Variants in ZSCAN29 observed in about 807,000 individuals in gnomAD.
The protein encoded by ZSCAN29 is zinc finger and SCAN domain containing 29.
Under a neutral mutation model 71.9 loss-of-function variants are expected in ZSCAN29, and 55 were observed. That is an observed-to-expected ratio of 0.76 (90% CI 0.62 to 0.96). ZSCAN29 has a LOEUF of 0.96. Ranked by LOEUF, ZSCAN29 falls within the 40% of genes least tolerant of loss-of-function variation. ZSCAN29 has a pLI of 0.00. For synonymous variants in ZSCAN29, 351 were observed against 371.6 expected, an observed-to-expected ratio of 0.94 and a Z score of 0.64; for missense variants, 1,042 against 1,042.2, an observed-to-expected ratio of 1.00 and a Z score of 0.00.
chr15:43,369,920 C>G lies in ZSCAN29; in HGVS notation c.-7G>C, dbSNP rs771374755. On this transcript the variant is annotated 5_prime_UTR_variant, in exon 2 of 6. Transcript: ENST00000684362. ...GAGCTGATTTGGCCATCATTAATAGCAGAATGCAGCTTCCCTTCGCTTAGG... is the reference window on the plus strand; with the variant it reads ...GAGCTGATTTGGCCATCATTAATAGGAGAATGCAGCTTCCCTTCGCTTAGG... 7 of 1,585,370 alleles carry G rather than the reference C, an allele frequency of 4.4e-6. No homozygotes were observed. In the Admixed American group the frequency reaches 8.5e-5, roughly 19 times the overall value.
Position 43,361,544 on chromosome 15 carries a change from G to T in ZSCAN29, c.2088C>A (p.His696Gln). The T allele has an allele frequency of 6.2e-7, 1 of 1,614,174 alleles. No homozygotes were observed. The highest frequency in any genetic ancestry group is 8.5e-7 in the Non-Finnish European group (1 of 1,180,020). ...SFSRSARLIR[H>Q]RRIHTGEKPY... is the part of the protein sequence containing the mutation. ...GTTTCTCTCCAGTGTGGATTCTCCG[G>T]TGTCTAATGAGTCGTGCACTCCGAC... The change falls in exon 6 of 6, where the codon CAC becomes CAA. Residue 696 changes from histidine (H) to glutamine (Q), a missense_variant. By Grantham distance (24) the His-to-Gln change is conservative (BLOSUM62 0). Transcript: ENST00000684362.
rs1017050528 is a variant in ZSCAN29, at chr15:43,370,928, G to A, written c.-483C>T. The A allele has an allele frequency of 1.8e-5, 4 of 216,334 alleles. 1 individual carries two copies. The highest frequency in any genetic ancestry group is 1.9e-5 in the Non-Finnish European group (2 of 105,660). The allele number at this position is 216,334 out of a possible 1,614,324, so 13.4% of individuals were successfully genotyped here. ...TCTCGAGCTGCCCCTCAACCCCCTC[G>A]CATCCTTGCCTCCGGGCCAGCCTCA... On this transcript the variant is annotated 5_prime_UTR_variant, in exon 1 of 6. It introduces an in-frame stop codon into an upstream open reading frame of the 5' UTR. Coordinates refer to ENST00000684362, the MANE Select transcript of ZSCAN29 (RefSeq NM_001372080.1).
In ZSCAN29 at chr15:43,368,006, G is replaced by T. The variant is rs1185566484; in HGVS notation, c.523+917C>A. On this transcript the variant is annotated intron_variant, in intron 3 of 5. Coordinates refer to ENST00000684362, the MANE Select transcript of ZSCAN29 (RefSeq NM_001372080.1). ...CAAGAATAATCAACTAGGTATAAAG[G>T]CATTGGGGAAAGCTATCAGAGTCCT... Among the ~76,000 whole-genome samples, 4 of 152,072 alleles carry T rather than the reference G, an allele frequency of 2.6e-5. No homozygotes were observed. The South Asian group carries it at 6.2e-4, about 24-fold the overall frequency.
At chr15:43,362,869 A>C (rs2043995766) in intron 5 of ZSCAN29, among the ~76,000 whole-genome samples, 1 of 152,260 alleles carries the variant, frequency 6.6e-6, no homozygotes. Context: ...CTGATCTTAA[A>C]GACTTATGAA....
In ZSCAN29 at chr15:43,369,631, C is replaced by A. The variant is rs774037467; in HGVS notation, c.283G>T (p.Asp95Tyr). The A allele has an allele frequency of 4.3e-6, 7 of 1,613,830 alleles. No homozygotes were observed. The highest frequency in any genetic ancestry group is 5.9e-6 in the Non-Finnish European group (7 of 1,179,890). ...NGEEAVTLVE[D>Y]LEREPGRPRS... ...GGTCTTCCAGGCTCTCTTTCTAAAT[C>A]TTCCACGAGAGTCACTGCCTCCTCT... The change falls in exon 2 of 6, where the codon GAT becomes TAT. Residue 95 changes from aspartate (D) to tyrosine (Y), a missense_variant. Transcript: ENST00000684362.
In ZSCAN29 at chr15:43,368,958, T is replaced by G; in HGVS notation, c.488A>C (p.Asn163Thr). ...SPDLGPQEQM[N>T]PKEKLKPFQR... is the part of the protein sequence containing the mutation. ...AAAAGGTTTGAGCTTCTCCTTTGGGTTCATCTGCTCCTGTGGTCCCAGGTC... is the reference window on the plus strand; with the variant it reads ...AAAAGGTTTGAGCTTCTCCTTTGGGGTCATCTGCTCCTGTGGTCCCAGGTC... Residue 163 changes from asparagine to threonine, a missense_variant, in exon 3 of 6, where the codon AAC becomes ACC. Coordinates refer to ENST00000684362, the MANE Select transcript of ZSCAN29 (RefSeq NM_001372080.1). 6.2e-7 allele frequency: 1 copy of G among 1,611,400 alleles called. No homozygotes were observed. Among genetic ancestry groups the G allele is most frequent in the South Asian group, 1.1e-5 (1 of 90,490 alleles).
rs1268238597 is a variant in ZSCAN29 at position 43,366,498 on chromosome 15, C to T, written c.834G>A (p.Val278=). ...TGAGCCGCTCAGCCACAGCCCCATACACTTGGCTGTTCCTATGGCAGTTTC... is the reference window on the plus strand; with the variant it reads ...TGAGCCGCTCAGCCACAGCCCCATATACTTGGCTGTTCCTATGGCAGTTTC... ...ALRNCHRNSQ[V]YGAVAERLRE... Residue 278 remains valine (V), a synonymous_variant, in exon 4 of 6, where the codon GTG becomes GTA. Coordinates refer to ENST00000684362, the MANE Select transcript of ZSCAN29 (RefSeq NM_001372080.1). 2.5e-6 allele frequency: 4 copies of T among 1,614,126 alleles called. No individual in the cohort carries two copies. The highest frequency in any genetic ancestry group is 3.4e-6 in the Non-Finnish European group (4 of 1,180,056).
Position 43,366,132 on chromosome 15 carries a change from A to G in ZSCAN29, c.1200T>C (p.Pro400=). ...TACCACCTGGGCTTCTGAACACAAC[A>G]GGTGCAGCTGAGTTGGGGTCCTGGG... The part of the protein sequence containing the change: ...ATPQDPNSAA[P]VVFRSPGGVH... The change falls in exon 4 of 6, where the codon CCT becomes CCC. Residue 400 remains proline (P), a synonymous_variant. Transcript: ENST00000684362. 6.2e-7 allele frequency: 1 copy of G among 1,612,054 alleles called. No individual in the cohort carries two copies. The highest frequency in any genetic ancestry group is 8.5e-7 in the Non-Finnish European group (1 of 1,179,126).
In ZSCAN29 at chr15:43,361,718, G is replaced by A. The variant is rs1260386482; in HGVS notation, c.1914C>T (p.Val638=). The A allele has an allele frequency of 1.9e-6, 3 of 1,614,030 alleles. No homozygotes were observed. The highest frequency in any genetic ancestry group is 1.3e-5 in the African/African-American group (1 of 74,908). Residue 638 remains valine, a synonymous_variant, in exon 6 of 6, where the codon GTC becomes GTT. Coordinates refer to ENST00000684362, the MANE Select transcript of ZSCAN29 (RefSeq NM_001372080.1). The part of the protein sequence containing the change: ...LTLPEKSLSE[V]LSQQRPCLGE... ...CCAAGCAAGGTCTCTGTTGACTTAG[G>A]ACTTCACTTAAGCTCTTCTCCGGGA...
In ZSCAN29 at chr15:43,364,109, G is replaced by A; in HGVS notation, c.1496C>T (p.Ala499Val). 1 of 1,614,174 alleles carries A rather than the reference G, an allele frequency of 6.2e-7. No homozygotes were observed. The highest frequency in any genetic ancestry group is 8.5e-7 in the Non-Finnish European group (1 of 1,180,038). The change falls in exon 5 of 6, where the codon GCT (alanine) becomes GTT (valine). Residue 499 changes from alanine (A) to valine (V), a missense_variant. Coordinates refer to ENST00000684362, the MANE Select transcript of ZSCAN29 (RefSeq NM_001372080.1). ...EMDALVSVRVAAPPNDGQEET... is the reference protein window; with the variant it reads ...EMDALVSVRVVAPPNDGQEET... Reference sequence around the variant, plus strand: ...TTCCTGGCCATCATTGGGTGGGGCAGCAACCCGGACACTCACCAAAGCATC... The same window carrying A: ...TTCCTGGCCATCATTGGGTGGGGCAACAACCCGGACACTCACCAAAGCATC...
At position 43,364,180 on chromosome 15, in the gene ZSCAN29, A is replaced by C. The variant is rs748495124; in HGVS notation, c.1425T>G (p.Val475=). Residue 475 remains valine, a synonymous_variant, in exon 5 of 6, where the codon GTT becomes GTG. Coordinates refer to ENST00000684362, the MANE Select transcript of ZSCAN29 (RefSeq NM_001372080.1). ...FKSLQTSYRK[V]KNGQAPETCP... The stretch of plus-strand genomic sequence containing the variant: ...AGGTCTCTGGTGCCTGGCCATTCTT[A>C]ACTTTCCGATAGCTGGTTTGCAGGC... The C allele has an allele frequency of 1.2e-6, 2 of 1,614,224 alleles. No homozygotes were observed. Among genetic ancestry groups the C allele is most frequent in the South Asian group, 2.2e-5 (2 of 91,084 alleles).
chr15:43,364,991 G>A (rs2044021652), intron 4 of ZSCAN29, among the ~76,000 whole-genome samples: 1 of 151,414 alleles, frequency 6.6e-6, no homozygotes, highest in Non-Finnish European at 1.5e-5. Flanking sequence ...ATTTGTGTCT[G>A]CAACAAAAAA....
At chr15:43,362,333 C>T (rs1015307350) in intron 5 of ZSCAN29, among the ~76,000 whole-genome samples, 2 of 152,160 alleles carry the variant, frequency 1.3e-5, no homozygotes, top group African/African-American at 4.8e-5. Context: ...TCATGTTCTT[C>T]ACCAGTAACT....
rs112956834 is a variant in ZSCAN29, at chr15:43,363,925, T to C, written c.1680A>G (p.Gln560=). Residue 560 remains glutamine (Q), a synonymous_variant, in exon 5 of 6, where the codon CAA becomes CAG. Coordinates refer to ENST00000684362, the MANE Select transcript of ZSCAN29 (RefSeq NM_001372080.1). ...GTGAAATAATCTTACCACGGGGGCT[T>C]TGGAATAACACTGGAGCACGGGTTA... ...AVITRAPVLF[Q]SPRGFEAGFE... 214 of 1,592,006 alleles carry C rather than the reference T, an allele frequency of 1.3e-4. 1 individual carries two copies. In the African/African-American group the frequency reaches 2.5e-3, roughly 18 times the overall value.
At chr15:43,365,610 A>T (rs1220846652) in intron 4 of ZSCAN29, among the ~76,000 whole-genome samples, 3 of 152,228 alleles carry the variant, frequency 2.0e-5, no homozygotes, top group South Asian at 4.1e-4. Flanking sequence ...ATATTTTAAA[A>T]TTTTTAAAGA....
chr15:43,362,372 A>G (rs149343551), intron 5 of ZSCAN29, among the ~76,000 whole-genome samples: 1 of 152,314 alleles, frequency 6.6e-6, no homozygotes, highest in East Asian at 1.9e-4. Context: ...TGCTCAGGAA[A>G]ACATTTTTGG....
At position 43,369,653 on chromosome 15, in the gene ZSCAN29, C is replaced by T. The variant is rs1360445128; in HGVS notation, c.261G>A (p.Glu87=). ...WVQEQCPENG[E]EAVTLVEDLE... ...AATCTTCCACGAGAGTCACTGCCTC[C>T]TCTCCATTTTCTGGACATTGTTCCT... Residue 87 remains glutamate (E), a synonymous_variant, in exon 2 of 6, where the codon GAG becomes GAA. Coordinates refer to ENST00000684362, the MANE Select transcript of ZSCAN29 (RefSeq NM_001372080.1). 3 of 1,614,088 alleles carry T rather than the reference C, an allele frequency of 1.9e-6. No homozygotes were observed. Among genetic ancestry groups the T allele is most frequent in the South Asian group, 1.1e-5 (1 of 91,086 alleles).
chr15:43,360,344 G>GA lies in ZSCAN29; in HGVS notation c.*728dup, dbSNP rs35479272. The GA allele has an allele frequency of 0.19, 24,955 of 129,478 alleles. 2,306 individuals are homozygous for GA. The highest frequency in any genetic ancestry group is 0.38 in the Middle Eastern group (75 of 198). The allele number at this position is 129,478 out of a possible 1,614,324, so 8.0% of individuals were successfully genotyped here. ...GGACGACAGAGTGAGACTCCATCTC[G>GA]AAAAAAAAAAGCCCGGCGCAGTGGC... On this transcript the variant is annotated 3_prime_UTR_variant, in exon 6 of 6. Coordinates refer to ENST00000684362, the MANE Select transcript of ZSCAN29 (RefSeq NM_001372080.1).
intron 3 of ZSCAN29, among the ~76,000 whole-genome samples, chr15:43,367,625 C>T (rs1444934714): frequency 6.6e-6 from 1 of 152,164 alleles, no homozygotes; most frequent in African/African-American, 2.4e-5. Context: ...TGTTTCAGTT[C>T]AGTTCAGTTC....
Sources: allele counts gnomAD v4.1 joint callset (sites outside exome capture counted in the v4.1 genomes callset), GRCh38; gene constraint gnomAD v4.1.1; transcripts MANE v1.5; gene names NCBI Gene and HGNC (gene_info 2026-07-23, HGNC 2026-07-21).